CDH4: variants seen among roughly 807,000 people sequenced by gnomAD.
CDH4 encodes the protein cadherin 4, also known as cadherin-4.
A neutral mutation model predicts 86.0 loss-of-function variants in CDH4; 33 were observed. That is an observed-to-expected ratio of 0.38 (90% CI 0.29 to 0.51). The LOEUF (loss-of-function observed/expected upper bound fraction) is 0.51, where lower values mean the gene tolerates loss of function less well. CDH4 is among the 20% of genes least tolerant of loss of function. CDH4 has a pLI of 0.86. For synonymous variants in CDH4, 555 were observed against 549.4 expected (o/e 1.01, Z -0.14); for missense variants, 1,114 against 1,307.4 (o/e 0.85, Z 2.28).
intron 2 of CDH4, among the ~76,000 whole-genome samples, chr20:61,413,052 G>A (rs951572676): frequency 1.3e-5 from 2 of 152,130 alleles, no homozygotes; most frequent in African/African-American, 4.8e-5. Flanking sequence ...CAGGCTCTTG[G>A]TGTGGGGGGC....
chr20:61,474,689 T>C (rs548915900), intron 2 of CDH4, among the ~76,000 whole-genome samples: 2 of 152,254 alleles, frequency 1.3e-5, no homozygotes, highest in East Asian at 1.9e-4. Context: ...GTAATTACAA[T>C]TGCTTTCAAC....
At chr20:61,660,440 A>G (rs1040426914) in intron 2 of CDH4, among the ~76,000 whole-genome samples, 5 of 152,260 alleles carry the variant, frequency 3.3e-5, no homozygotes, top group Admixed American at 2.6e-4. Context: ...CATCGAAGGC[A>G]GGTGACGCCG....
chr20:61,653,529 C>G (rs2087149187), intron 2 of CDH4, among the ~76,000 whole-genome samples: 1 of 144,746 alleles, frequency 6.9e-6, no homozygotes, highest in Admixed American at 6.8e-5. Context: ...AGAGGCGCCC[C>G]TCACCTCCCG....
intron 9 of CDH4, among the ~76,000 whole-genome samples, chr20:61,911,442 C>T (rs6121489): frequency 0.051 from 7,818 of 152,256 alleles, 762 homozygotes; most frequent in East Asian, 0.44. Flanking sequence ...ACTTAGCAAT[C>T]GTTTACAACT....
intron 3 of CDH4, among the ~76,000 whole-genome samples, chr20:61,770,554 CA>C (rs1322964242): frequency 3.3e-5 from 5 of 152,250 alleles, no homozygotes; most frequent in Non-Finnish European, 5.9e-5. Flanking sequence ...TTGGCGCTGT[CA>C]GCCGCAGGAG....
At chr20:61,775,030 G>A (rs1056557751) in intron 4 of CDH4, among the ~76,000 whole-genome samples, 1 of 152,070 alleles carries the variant, frequency 6.6e-6, no homozygotes, top group African/African-American at 2.4e-5. Flanking sequence ...TGTTCCTTTG[G>A]GTGTACACTT....
intron 3 of CDH4, among the ~76,000 whole-genome samples, chr20:61,745,371 C>T (rs1348529324): frequency 1.3e-5 from 2 of 152,294 alleles, no homozygotes; most frequent in African/African-American, 2.4e-5. Flanking sequence ...CCTGTGTCTT[C>T]TTCTGACTTG....
At chr20:61,363,222 G>A (rs3936160) in intron 2 of CDH4, among the ~76,000 whole-genome samples, 22,715 of 152,060 alleles carry the variant, frequency 0.15, 2,173 homozygotes, top group East Asian at 0.31. Context: ...CCTCCCATCC[G>A]TTTGTTCTTT....
At chr20:61,525,756 A>T (rs574457014) in intron 2 of CDH4, among the ~76,000 whole-genome samples, 2 of 152,148 alleles carry the variant, frequency 1.3e-5, no homozygotes, top group Non-Finnish European at 2.9e-5. Context: ...TTTCCGGTTC[A>T]TGTCACAGAC....
At chr20:61,395,663 C>T (rs1486741064) in intron 2 of CDH4, among the ~76,000 whole-genome samples, 1 of 151,988 alleles carries the variant, frequency 6.6e-6, no homozygotes, top group Non-Finnish European at 1.5e-5. Context: ...GCCTATAGGC[C>T]CAGCTACTCC....
chr20:61,647,884 A>C (rs1317075638), intron 2 of CDH4, among the ~76,000 whole-genome samples: 1 of 152,194 alleles, frequency 6.6e-6, no homozygotes, highest in Non-Finnish European at 1.5e-5. Flanking sequence ...TATCAGAAGC[A>C]CAAACCGAGA....
intron 2 of CDH4, among the ~76,000 whole-genome samples, chr20:61,687,935 A>G (rs576244829): frequency 6.6e-6 from 1 of 152,314 alleles, no homozygotes; most frequent in Non-Finnish European, 1.5e-5. Context: ...CAGGAAATGA[A>G]GTCACATTCC....
chr20:61,263,652 T>C (rs1020789419), intron 2 of CDH4, among the ~76,000 whole-genome samples: 5 of 152,212 alleles, frequency 3.3e-5, no homozygotes, highest in Non-Finnish European at 5.9e-5. Flanking sequence ...TATTTTCTTA[T>C]TGCAGTATAA....
At chr20:61,566,492 A>G (rs2086298990) in intron 2 of CDH4, among the ~76,000 whole-genome samples, 1 of 152,088 alleles carries the variant, frequency 6.6e-6, no homozygotes, top group Non-Finnish European at 1.5e-5. Context: ...GCTCATTTTT[A>G]TTAACCCTAT....
intron 4 of CDH4, among the ~76,000 whole-genome samples, chr20:61,821,079 C>G (rs1981001161): frequency 6.6e-6 from 1 of 150,618 alleles, no homozygotes; most frequent in Non-Finnish European, 1.5e-5. Flanking sequence ...TCCCCAAGAT[C>G]CCAGGTCCCT....
intron 2 of CDH4, among the ~76,000 whole-genome samples, chr20:61,693,217 C>G (rs1568759734): frequency 6.6e-6 from 1 of 152,150 alleles, no homozygotes; most frequent in Non-Finnish European, 1.5e-5. Context: ...CCAGGCCTGT[C>G]CCTGATGCTT....
intron 2 of CDH4, among the ~76,000 whole-genome samples, chr20:61,532,703 G>C (rs2085964653): frequency 6.6e-6 from 1 of 152,204 alleles, no homozygotes; most frequent in South Asian, 2.1e-4. Context: ...ATGTGAGGTG[G>C]AGCAGGCTCT....
At chr20:61,775,467 T>C (rs537193621) in intron 4 of CDH4, among the ~76,000 whole-genome samples, 58 of 152,314 alleles carry the variant, frequency 3.8e-4, no homozygotes, top group Non-Finnish European at 1.3e-4. Flanking sequence ...TGGTAAATAT[T>C]CTAGGCATTG....
chr20:61,888,692 A>C (rs1389981482), intron 7 of CDH4, among the ~76,000 whole-genome samples: 1 of 152,224 alleles, frequency 6.6e-6, no homozygotes, highest in Non-Finnish European at 1.5e-5. Context: ...TGTCCATCCC[A>C]CATTCAGGAG....
Sources: allele counts gnomAD v4.1 joint callset (sites outside exome capture counted in the v4.1 genomes callset), GRCh38; gene constraint gnomAD v4.1.1; transcripts MANE v1.5; gene names NCBI Gene and HGNC (gene_info 2026-07-23, HGNC 2026-07-21).